The following SV2C variants were observed in gnomAD, a reference collection of about 807,000 sequenced individuals.
The protein encoded by SV2C is synaptic vesicle glycoprotein 2C.
A neutral mutation model predicts 79.7 loss-of-function variants in SV2C; 49 were observed. The ratio of observed to expected loss-of-function variants is 0.61; its 90% CI spans 0.49 to 0.78. The LOEUF (loss-of-function observed/expected upper bound fraction) is 0.78, where lower values mean the gene tolerates loss of function less well. SV2C is among the 30% of genes least tolerant of loss of function. The pLI is 0.00. For missense variants in SV2C, 833 were observed against 912.9 expected (o/e 0.91, Z 1.13); for synonymous variants, 334 against 333.2 (o/e 1.00, Z -0.03).
intron 1 of SV2C, among the ~76,000 whole-genome samples, chr5:76,084,808 G>A (rs1747122173): frequency 6.6e-6 from 1 of 151,648 alleles, no homozygotes. Context: ...GGAGAGCGGC[G>A]ACCCGGCGGG....
chr5:76,033,111 A>G, the SV2C span, among the ~76,000 whole-genome samples: 3 of 151,830 alleles, frequency 2.0e-5, no homozygotes, highest in South Asian at 6.2e-4. Context: ...TTTTTCTTGT[A>G]AATTTGTTTG....
chr5:75,994,514 C>A, the SV2C span, among the ~76,000 whole-genome samples: 2 of 151,894 alleles, frequency 1.3e-5, no homozygotes, highest in Non-Finnish European at 2.9e-5. Context: ...ACCTCAGATT[C>A]TTTGCCATAA....
At chr5:76,232,334 A>G (rs1185951069) in intron 4 of SV2C, among the ~76,000 whole-genome samples, 1 of 150,904 alleles carries the variant, frequency 6.6e-6, no homozygotes. Flanking sequence ...GATTCTGGAT[A>G]TTAGCCCTTT....
intron 12 of SV2C, among the ~76,000 whole-genome samples, chr5:76,319,871 T>A (rs989162957): frequency 6.6e-6 from 1 of 152,222 alleles, no homozygotes; most frequent in Non-Finnish European, 1.5e-5. Flanking sequence ...ATTGAGAGAC[T>A]TCTTCATGAC....
rs1484949124 is a variant in SV2C, at chr5:76,172,122, A to G, written c.581-22797A>G. Among the ~76,000 whole-genome samples the G allele has an allele frequency of 3.7e-4, 10 of 26,680 alleles. 1 individual carries two copies. The highest frequency in any genetic ancestry group is 9.4e-4 in the African/African-American group (3 of 3,200). The allele number at this position is 26,680 out of a possible 152,430, so 17.5% of individuals were successfully genotyped here. Reference sequence around the variant, plus strand: ...TGTCCGGGAGGGAGGTGGGGGGGTCAGCCCTCCGCCCGGCCAGCCGCCCCG... The same window carrying G: ...TGTCCGGGAGGGAGGTGGGGGGGTCGGCCCTCCGCCCGGCCAGCCGCCCCG... On this transcript the variant is annotated intron_variant, in intron 2 of 12. Coordinates refer to ENST00000502798, the MANE Select transcript of SV2C (RefSeq NM_014979.4).
intron 1 of SV2C, among the ~76,000 whole-genome samples, chr5:76,104,687 T>C (rs1326795438): frequency 6.6e-6 from 1 of 152,216 alleles, no homozygotes; most frequent in African/African-American, 2.4e-5. Flanking sequence ...CTGTTTGCGA[T>C]ACTAGAGATG....
chr5:76,207,106 A>C (rs1361925449), intron 3 of SV2C, among the ~76,000 whole-genome samples: 2 of 151,770 alleles, frequency 1.3e-5, no homozygotes, highest in Non-Finnish European at 2.9e-5. Context: ...TGTAACAATG[A>C]TTTGTTGAAA....
At chr5:75,859,051 T>A in the SV2C span, among the ~76,000 whole-genome samples, 1 of 152,148 alleles carries the variant, frequency 6.6e-6, no homozygotes, top group Non-Finnish European at 1.5e-5. Context: ...TTTCTTTTCA[T>A]TGATCTTTTG....
the SV2C span, among the ~76,000 whole-genome samples, chr5:75,875,222 CA>C: frequency 4.6e-5 from 7 of 151,872 alleles, no homozygotes; most frequent in South Asian, 2.1e-4. Context: ...AGTACTGGTA[CA>C]AAAAAAGGCA....
the SV2C span, among the ~76,000 whole-genome samples, chr5:75,958,407 C>G: frequency 2.6e-5 from 4 of 151,954 alleles, no homozygotes; most frequent in African/African-American, 9.7e-5. Context: ...TGTGGGGGAA[C>G]CTATCTGTCT....
At chr5:75,911,372 A>T in the SV2C span, 2 of 1,223,510 alleles carry the variant, frequency 1.6e-6, no homozygotes, top group East Asian at 4.7e-5. Flanking sequence ...GGATCTGAAC[A>T]ACCAAAGAAG....
At chr5:75,851,591 TC>T in the SV2C span, among the ~76,000 whole-genome samples, 2,349 of 152,212 alleles carry the variant, frequency 0.015, 49 homozygotes, top group African/African-American at 0.051. Context: ...GAAAGAAAAG[TC>T]TTTCATAAGT....
chr5:76,209,822 G>A lies in SV2C; in HGVS notation c.848G>A (p.Cys283Tyr). 6.2e-7 allele frequency: 1 copy of A among 1,614,244 alleles called. No individual in the cohort carries two copies. Among genetic ancestry groups the A allele is most frequent in the Non-Finnish European group, 8.5e-7 (1 of 1,180,050 alleles). Residue 283 changes from cysteine to tyrosine, a missense_variant, in exon 4 of 13, where the codon TGC (cysteine) becomes TAC (tyrosine). Coordinates refer to ENST00000502798, the MANE Select transcript of SV2C (RefSeq NM_014979.4). ...EKRGEHLSWL[C>Y]MFWMIGGIYA... ...CGGGGCGAACACTTGAGCTGGCTCTGCATGTTCTGGATGATCGGTGGCATC... is the reference window on the plus strand; with the variant it reads ...CGGGGCGAACACTTGAGCTGGCTCTACATGTTCTGGATGATCGGTGGCATC...
intron 12 of SV2C, among the ~76,000 whole-genome samples, chr5:76,352,945 T>C (rs1284873270): frequency 6.6e-6 from 1 of 151,048 alleles, no homozygotes; most frequent in Non-Finnish European, 1.5e-5. Context: ...TACCTCTTTT[T>C]TTTTTTTTTT....
intron 1 of SV2C, among the ~76,000 whole-genome samples, chr5:76,125,807 C>T (rs1037628681): frequency 5.9e-5 from 9 of 152,144 alleles, no homozygotes; most frequent in South Asian, 2.1e-4. Flanking sequence ...CCTGTAATCC[C>T]AGCACTTTGG....
intron 4 of SV2C, among the ~76,000 whole-genome samples, chr5:76,257,385 G>A (rs757616723): frequency 6.6e-6 from 1 of 151,254 alleles, no homozygotes; most frequent in Admixed American, 6.6e-5. Context: ...TGTGGGGGGT[G>A]CGTGTAGTAT....
At chr5:76,209,252 GT>G (rs1365130761) in intron 3 of SV2C, among the ~76,000 whole-genome samples, 1 of 152,176 alleles carries the variant, frequency 6.6e-6, no homozygotes, top group African/African-American at 2.4e-5. Context: ...CTGCTGTGGG[GT>G]AGCAGTGAGT....
At chr5:76,112,244 C>T (rs138949832) in intron 1 of SV2C, among the ~76,000 whole-genome samples, 1 of 152,214 alleles carries the variant, frequency 6.6e-6, no homozygotes, top group African/African-American at 2.4e-5. Context: ...CATAAAGGAT[C>T]AGGGCATGGT....
chr5:76,147,062 G>A (rs1749458887), intron 2 of SV2C, among the ~76,000 whole-genome samples: 2 of 152,060 alleles, frequency 1.3e-5, no homozygotes, highest in Non-Finnish European at 2.9e-5. Flanking sequence ...CAAGGGAGAG[G>A]GGAATGGGAA....
Sources: gnomAD v4.1 joint callset for allele counts (sites outside exome capture counted in the v4.1 genomes callset) on GRCh38, gnomAD v4.1.1 for gene constraint, MANE v1.5 for transcripts, NCBI Gene and HGNC (gene_info 2026-07-23, HGNC 2026-07-21) for gene names.